WWP1: variants seen among roughly 807,000 people sequenced by gnomAD.
WWP1 encodes WW domain containing E3 ubiquitin protein ligase 1, also known as NEDD4-like E3 ubiquitin-protein ligase WWP1.
A neutral mutation model predicts 130.6 loss-of-function variants in WWP1; 49 were observed. That is an observed-to-expected ratio of 0.38 (90% CI 0.30 to 0.48). The LOEUF (loss-of-function observed/expected upper bound fraction) is 0.48. WWP1 is among the 20% of genes least tolerant of loss of function. The pLI, the probability that WWP1 is intolerant of heterozygous loss-of-function variation, is 0.99. For missense variants in WWP1, 809 were observed against 1,100.6 expected (o/e 0.74, Z 3.75); for synonymous variants, 332 against 367.8 (o/e 0.90, Z 1.11).
chr8:86,348,741 C>T (rs1822746377), intron 1 of WWP1, among the ~76,000 whole-genome samples: 1 of 152,180 alleles, frequency 6.6e-6, no homozygotes, highest in Non-Finnish European at 1.5e-5. Context: ...TATACCTCTC[C>T]TTTTTCTGGG....
intron 8 of WWP1, chr8:86,405,088 G>A (rs1808201395): frequency 6.6e-6 from 1 of 152,192 alleles, no homozygotes; most frequent in Admixed American, 6.5e-5. Flanking sequence ...CTTTTTGTAT[G>A]ATTGTTCATC....
At chr8:86,366,175 G>C (rs141632725) in intron 1 of WWP1, among the ~76,000 whole-genome samples, 43 of 152,318 alleles carry the variant, frequency 2.8e-4, no homozygotes, top group African/African-American at 8.7e-4. Context: ...TGCAGTGGTA[G>C]AGATTCCTAG....
At chr8:86,464,479 T>C (rs1183433683) in intron 24 of WWP1, among the ~76,000 whole-genome samples, 5 of 152,178 alleles carry the variant, frequency 3.3e-5, no homozygotes, top group Admixed American at 6.5e-5. Flanking sequence ...TATCAGTAGC[T>C]ATAATTCATA....
chr8:86,450,535 A>G (rs1418854543), intron 20 of WWP1, among the ~76,000 whole-genome samples: 1 of 152,252 alleles, frequency 6.6e-6, no homozygotes, highest in Non-Finnish European at 1.5e-5. Flanking sequence ...TATCAAAAAC[A>G]GTCTAAATAA....
chr8:86,386,271 T>C (rs1825280296), intron 5 of WWP1, among the ~76,000 whole-genome samples: 2 of 152,094 alleles, frequency 1.3e-5, no homozygotes, highest in Non-Finnish European at 2.9e-5. Flanking sequence ...TTATGGAGAG[T>C]GTGTAAAAAT....
At chr8:86,426,520 G>C (rs1240055501) in intron 10 of WWP1, among the ~76,000 whole-genome samples, 1 of 152,088 alleles carries the variant, frequency 6.6e-6, no homozygotes, top group Non-Finnish European at 1.5e-5. Flanking sequence ...AGAGAAATAG[G>C]GAAGGGTATT....
intron 22 of WWP1, among the ~76,000 whole-genome samples, chr8:86,458,527 G>C (rs1053343059): frequency 6.6e-6 from 1 of 152,156 alleles, no homozygotes; most frequent in African/African-American, 2.4e-5. Flanking sequence ...AGGAATCCAA[G>C]TGTACCACAC....
intron 7 of WWP1, 30 bp from the exon 8 acceptor site, chr8:86,401,989 A>G (rs369098005): frequency 6.6e-7 from 1 of 1,516,166 alleles, no homozygotes; most frequent in Non-Finnish European, 8.9e-7. Flanking sequence ...TTATACTTAA[A>G]TGATTGAAAT....
intron 1 of WWP1, among the ~76,000 whole-genome samples, chr8:86,366,441 A>G (rs1823970445): frequency 6.6e-6 from 1 of 152,194 alleles, no homozygotes; most frequent in Non-Finnish European, 1.5e-5. Flanking sequence ...TGTTAAAAGT[A>G]AATGATTCGG....
intron 20 of WWP1, among the ~76,000 whole-genome samples, chr8:86,448,920 A>G (rs1277707979): frequency 6.6e-6 from 1 of 151,748 alleles, no homozygotes; most frequent in Non-Finnish European, 1.5e-5. Flanking sequence ...TGCAGGGTTG[A>G]CCTCCTGTGC....
chr8:86,444,227 G>T (rs746284366), intron 18 of WWP1, among the ~76,000 whole-genome samples: 1 of 152,150 alleles, frequency 6.6e-6, no homozygotes, highest in Non-Finnish European at 1.5e-5. Flanking sequence ...AGATGCAGGG[G>T]TGTGAGAGAG....
chr8:86,407,616 C>A, intron 8 of WWP1, among the ~76,000 whole-genome samples: 1 of 152,264 alleles, frequency 6.6e-6, no homozygotes, highest in African/African-American at 2.4e-5. Flanking sequence ...GAACAGTAAT[C>A]TCTCCAGTCA....
chr8:86,357,609 C>T (rs947635595), intron 1 of WWP1, among the ~76,000 whole-genome samples: 2 of 152,302 alleles, frequency 1.3e-5, no homozygotes, highest in Middle Eastern at 6.8e-3. Flanking sequence ...AGGACTTGCC[C>T]TGGCATTCTT....
chr8:86,372,258 G>A (rs1471122786), intron 2 of WWP1, among the ~76,000 whole-genome samples: 2 of 151,810 alleles, frequency 1.3e-5, no homozygotes, highest in Non-Finnish European at 2.9e-5. Context: ...TCCTGACCTC[G>A]TGATCCGCCC....
chr8:86,446,918 T>G (rs555996760), intron 18 of WWP1, among the ~76,000 whole-genome samples: 1 of 152,214 alleles, frequency 6.6e-6, no homozygotes, highest in African/African-American at 2.4e-5. Flanking sequence ...GCAGATATAG[T>G]AGAACACAAA....
intron 1 of WWP1, among the ~76,000 whole-genome samples, chr8:86,357,722 T>A (rs1823343647): frequency 6.6e-6 from 1 of 152,232 alleles, no homozygotes. Flanking sequence ...GTGTTAGGCA[T>A]CATGCAAAGG....
At chr8:86,367,725 C>G (rs1047517956) in intron 1 of WWP1, among the ~76,000 whole-genome samples, 5 of 152,080 alleles carry the variant, frequency 3.3e-5, no homozygotes, top group African/African-American at 1.2e-4. Flanking sequence ...AATTGCTGAA[C>G]CTAAATTGAT....
rs141788512 is a variant in WWP1 at position 86,365,852 on chromosome 8, G to C, written c.-114-3087G>C. Among the ~76,000 whole-genome samples the C allele has an allele frequency of 9.7e-4, 147 of 152,266 alleles. 1 individual carries two copies. The highest frequency in any genetic ancestry group is 9.8e-4 in the Admixed American group (15 of 15,296). On this transcript the variant is annotated intron_variant, in intron 1 of 24. Transcript: ENST00000517970. ...ACATAGCTTCTTTCCCAAATAGTTA[G>C]ATGTATACATTGAGAACACCAAGTT...
chr8:86,397,481 T>G (rs1807743880), intron 5 of WWP1, among the ~76,000 whole-genome samples: 1 of 152,294 alleles, frequency 6.6e-6, no homozygotes, highest in South Asian at 2.1e-4. Flanking sequence ...ATTTTAGCAA[T>G]TTTGAAATGT....
Sources: gnomAD v4.1 joint callset for allele counts (sites outside exome capture counted in the v4.1 genomes callset) on GRCh38, gnomAD v4.1.1 for gene constraint, MANE v1.5 for transcripts, NCBI Gene and HGNC (gene_info 2026-07-23, HGNC 2026-07-21) for gene names.